TRIM66: variants seen among roughly 807,000 people sequenced by gnomAD.
TRIM66 encodes the protein tripartite motif containing 66.
TRIM66 carries 99 observed loss-of-function variants against 148.2 expected under a neutral mutation model. That is an observed-to-expected ratio of 0.67 (90% CI 0.57 to 0.79). The LOEUF is 0.79. TRIM66 is among the 30% of genes least tolerant of loss of function. TRIM66 has a pLI of 0.00. For synonymous variants in TRIM66, 616 were observed against 635.9 expected, an observed-to-expected ratio of 0.97 and a Z score of 0.47; for missense variants, 1,666 against 1,697.9, an observed-to-expected ratio of 0.98 and a Z score of 0.33.
intron 15 of TRIM66, among the ~76,000 whole-genome samples, chr11:8,635,563 A>G (rs968694662): frequency 1.3e-5 from 2 of 152,124 alleles, no homozygotes; most frequent in African/African-American, 4.8e-5. Flanking sequence ...CTGCCAATCC[A>G]AAGCTTCCTC....
At chr11:8,618,705 G>A in intron 24 of TRIM66, 45 bp downstream of exon 24, 1 of 1,523,034 alleles carries the variant, frequency 6.6e-7, no homozygotes, top group South Asian at 1.2e-5. Flanking sequence ...CCCTCTGCTT[G>A]CCTGATCACC....
Position 8,638,642 on chromosome 11 carries a change from C to A in TRIM66, c.2310+12G>T. 6.5e-7 allele frequency: 1 copy of A among 1,545,174 alleles called. No homozygotes were observed. The highest frequency in any genetic ancestry group is 2.0e-5 in the Admixed American group (1 of 48,986). On this transcript the variant is annotated intron_variant, in intron 15 of 24. Transcript: ENST00000646038. ...GTCCCATGTAGTTAGGGAAAACAGGCTCCTTCAGTACCTTTCTCACCACAT... is the reference window on the plus strand; with the variant it reads ...GTCCCATGTAGTTAGGGAAAACAGGATCCTTCAGTACCTTTCTCACCACAT...
chr11:8,677,974 C>T (rs565410480), intron 3 of TRIM66, among the ~76,000 whole-genome samples: 1 of 152,234 alleles, frequency 6.6e-6, no homozygotes, highest in Admixed American at 6.5e-5. Flanking sequence ...CCCCTAAATG[C>T]CATATATCAA....
At chr11:8,661,172 T>C (rs1213135240) in intron 6 of TRIM66, among the ~76,000 whole-genome samples, 1 of 152,102 alleles carries the variant, frequency 6.6e-6, no homozygotes, top group African/African-American at 2.4e-5. Context: ...TAAACTGAGG[T>C]CAGGCAGATA....
At position 8,656,967 on chromosome 11, in the gene TRIM66, G is replaced by A. The variant is rs189567763; in HGVS notation, c.341-5064C>T. ...CCAGACTCCCACAGCTCAACTGCAG[G>A]ACCCATGAGCAGGCCTAGAGTGCAG... On this transcript the variant is annotated intron_variant, in intron 6 of 24. Coordinates refer to ENST00000646038, the MANE Select transcript of TRIM66 (RefSeq NM_001388022.1). 3.7e-3 allele frequency among the ~76,000 whole-genome samples: 570 copies of A among 152,300 alleles called. 4 individuals are homozygous for A. Among genetic ancestry groups the A allele is most frequent in the Non-Finnish European group, 4.8e-3 (325 of 68,028 alleles).
chr11:8,648,018 G>A lies in TRIM66; in HGVS notation c.794C>T (p.Ala265Val), dbSNP rs1592130459. Residue 265 changes from alanine to valine, a missense_variant, in exon 10 of 25, where the codon GCA (alanine) becomes GTA (valine). Ala to Val is a moderately conservative substitution (Grantham distance 64). Around this residue, in one of 3 missense-constraint regions of TRIM66, gnomAD observed 1,431 missense variants for 1,412.4 expected, o/e 1.01. Coordinates refer to ENST00000646038, the MANE Select transcript of TRIM66 (RefSeq NM_001388022.1). ...MLLEGVTTQV[A>V]HKKSSLQTSA... The stretch of plus-strand genomic sequence containing the variant: ...TGTCTGTAGACTGGATTTCTTATGT[G>A]CCACCTGTGTAGTCACACCTTCCAG... 5 of 1,551,622 alleles carry A rather than the reference G, an allele frequency of 3.2e-6. No individual in the cohort carries two copies. In the African/African-American group the frequency reaches 4.1e-5, roughly 13 times the overall value.
chr11:8,634,958 G>T (rs901548404), intron 15 of TRIM66, among the ~76,000 whole-genome samples: 14 of 152,138 alleles, frequency 9.2e-5, no homozygotes, highest in Non-Finnish European at 1.8e-4. Context: ...GCTGGGAGTG[G>T]GATGGAGGAC....
intron 6 of TRIM66, among the ~76,000 whole-genome samples, chr11:8,655,480 C>T (rs906515139): frequency 1.3e-5 from 2 of 152,102 alleles, no homozygotes; most frequent in Non-Finnish European, 2.9e-5. Flanking sequence ...CTACAGCAGC[C>T]AGACGTTTTT....
intron 6 of TRIM66, among the ~76,000 whole-genome samples, chr11:8,660,023 G>C (rs1014771932): frequency 6.6e-6 from 1 of 152,004 alleles, no homozygotes; most frequent in African/African-American, 2.4e-5. Flanking sequence ...GACTACAGGC[G>C]TGCAACCAGC....
chr11:8,643,755 G>C (rs2036607446), intron 12 of TRIM66, among the ~76,000 whole-genome samples: 1 of 152,142 alleles, frequency 6.6e-6, no homozygotes, highest in African/African-American at 2.4e-5. Flanking sequence ...TAAAAGCCTA[G>C]TGGGGGCAGG....
Position 8,672,106 on chromosome 11 carries a change from T to A in TRIM66, c.28-8A>T. On this transcript the variant is annotated splice_region_variant and splice_polypyrimidine_tract_variant and intron_variant, in intron 5 of 24. Coordinates refer to ENST00000646038, the MANE Select transcript of TRIM66 (RefSeq NM_001388022.1). ...GCGAGCCAGCTCCACTCCCTGTAAG[T>A]GAAGCACAAAGCAGAGTGATCTACT... is the stretch of plus-strand genomic sequence containing the variant. 6.6e-7 allele frequency: 1 copy of A among 1,517,264 alleles called. No homozygotes were observed. The highest frequency in any genetic ancestry group is 8.8e-7 in the Non-Finnish European group (1 of 1,137,142). 94.0% of individuals were successfully genotyped at this position (1,517,264 alleles called of 1,614,324 possible).
chr11:8,679,046 G>C (rs140747046), intron 3 of TRIM66: 131 of 152,360 alleles, frequency 8.6e-4, no homozygotes, highest in African/African-American at 2.4e-3. Flanking sequence ...CTGTACTTCA[G>C]AAGAGATGTC....
At chr11:8,639,044 T>C (rs910776588) in intron 14 of TRIM66, among the ~76,000 whole-genome samples, 12 of 152,246 alleles carry the variant, frequency 7.9e-5, no homozygotes, top group Non-Finnish European at 1.6e-4. Flanking sequence ...AATTCTGAGC[T>C]AATTTTGTGA....
intron 6 of TRIM66, among the ~76,000 whole-genome samples, chr11:8,659,682 G>A (rs2038115116): frequency 6.6e-6 from 1 of 152,132 alleles, no homozygotes; most frequent in South Asian, 2.1e-4. Context: ...TGTGGGTGTG[G>A]GACTGGGAAT....
intron 6 of TRIM66, among the ~76,000 whole-genome samples, chr11:8,659,516 G>A (rs1197270411): frequency 1.3e-5 from 2 of 152,170 alleles, no homozygotes; most frequent in African/African-American, 4.8e-5. Context: ...AGGAGGAAGA[G>A]AGCAGTGGCC....
chr11:8,664,943 C>T (rs1446803861), intron 6 of TRIM66, among the ~76,000 whole-genome samples: 1 of 152,106 alleles, frequency 6.6e-6, no homozygotes, highest in Non-Finnish European at 1.5e-5. Flanking sequence ...CCATTCAACA[C>T]AGCAACTGCT....
At chr11:8,628,607 T>A (rs2035080045) in intron 15 of TRIM66, among the ~76,000 whole-genome samples, 4 of 64,438 alleles carry the variant, frequency 6.2e-5, no homozygotes, top group Admixed American at 2.1e-4. Context: ...AGGAAGACCC[T>A]GTCTCAAAAA....
chr11:8,662,587 A>G lies in TRIM66; in HGVS notation c.340+9199T>C, dbSNP rs75780186. Among the ~76,000 whole-genome samples the G allele has an allele frequency of 8.5e-4, 130 of 152,350 alleles. 1 individual carries two copies. Among genetic ancestry groups the G allele is most frequent in the East Asian group, 5.8e-3 (30 of 5,188 alleles). ...GAAAGGGCTTAGAATTGCCCAGTCA[A>G]TTAGTGCTAGTGTCCAGGTGAGCTC... On this transcript the variant is annotated intron_variant, in intron 6 of 24. Coordinates refer to ENST00000646038, the MANE Select transcript of TRIM66 (RefSeq NM_001388022.1).
intron 15 of TRIM66, among the ~76,000 whole-genome samples, chr11:8,631,497 G>A (rs142009410): frequency 5.7e-4 from 87 of 152,336 alleles, no homozygotes; most frequent in African/African-American, 2.1e-3. Context: ...AGCATAAGGA[G>A]GCTAAGGAGA....
Sources: allele counts gnomAD v4.1 joint callset (sites outside exome capture counted in the v4.1 genomes callset), GRCh38; gene constraint gnomAD v4.1.1; regional missense constraint gnomAD v4.1.1; transcripts MANE v1.5; gene names NCBI Gene and HGNC (gene_info 2026-07-23, HGNC 2026-07-21).